SCN10A: variants seen among roughly 807,000 people sequenced by gnomAD.
SCN10A encodes the protein sodium voltage-gated channel alpha subunit 10.
SCN10A carries 162 observed loss-of-function variants against 170.7 expected under a neutral mutation model. The ratio of observed to expected loss-of-function variants is 0.95; its 90% confidence interval spans 0.84 to 1.08. The LOEUF is 1.08. SCN10A is among the 50% of genes least tolerant of loss of function. The pLI, the probability that SCN10A is intolerant of heterozygous loss-of-function variation, is 0.00. For synonymous variants in SCN10A, 985 were observed against 904.6 expected (o/e 1.09, Z -1.59); for missense variants, 2,527 against 2,436.9 (o/e 1.04, Z -0.78).
chr3:38,756,128 C>A (rs888748125), intron 10 of SCN10A, among the ~76,000 whole-genome samples, 170 bp from the exon 11 acceptor site: 1 of 152,174 alleles, frequency 6.6e-6, no homozygotes, highest in Non-Finnish European at 1.5e-5. Context: ...CACCTCGGGT[C>A]ACCCCCACTC....
At chr3:38,709,636 GT>G in intron 24 of SCN10A, 21 bp from the exon 25 acceptor site, 2 of 1,568,288 alleles carry the variant, frequency 1.3e-6, no homozygotes, top group Non-Finnish European at 1.7e-6. Context: ...ACAAGGGAGA[GT>G]GGGAAGGAGG....
chr3:38,809,162 T>A lies in SCN10A; in HGVS notation c.-33+6875A>T, dbSNP rs962528475. ...CCATGCAGACAGGTTGACTTTGCAGTAGCAAACATCAGGACTGGGTTGGAT... is the reference window on the plus strand; with the variant it reads ...CCATGCAGACAGGTTGACTTTGCAGAAGCAAACATCAGGACTGGGTTGGAT... On this transcript the variant is annotated intron_variant, in intron 1 of 27. Coordinates refer to ENST00000449082, the MANE Select transcript of SCN10A (RefSeq NM_006514.4). 2.6e-5 allele frequency among the ~76,000 whole-genome samples: 4 copies of A among 152,322 alleles called. No individual in the cohort carries two copies. In the South Asian group the frequency reaches 6.2e-4, roughly 24 times the overall value.
chr3:38,742,910 G>A (rs1305965352), intron 13 of SCN10A, among the ~76,000 whole-genome samples: 1 of 152,088 alleles, frequency 6.6e-6, no homozygotes, highest in African/African-American at 2.4e-5. Context: ...AACCTGAACT[G>A]TGAATAGACC....
At chr3:38,797,284 C>A (rs1356734308) in intron 1 of SCN10A, among the ~76,000 whole-genome samples, 1 of 152,158 alleles carries the variant, frequency 6.6e-6, no homozygotes, top group Non-Finnish European at 1.5e-5. Context: ...ACCCAATACC[C>A]ATATGTAGGA....
Position 38,788,982 on chromosome 3 carries a change from G to T in SCN10A, c.444C>A (p.Thr148=). 6.2e-7 allele frequency: 1 copy of T among 1,610,344 alleles called. No individual in the cohort carries two copies. The highest frequency in any genetic ancestry group is 8.5e-7 in the Non-Finnish European group (1 of 1,176,826). The part of the protein sequence containing the change: ...VTILVNCVCM[T]RTDLPEKIEY... ...CAATTTTCTCTGGAAGGTCAGTTCGGGTCATGCACACACAATTAACCAAAA... is the reference window on the plus strand; with the variant it reads ...CAATTTTCTCTGGAAGGTCAGTTCGTGTCATGCACACACAATTAACCAAAA... Residue 148 remains threonine (T), a synonymous_variant, in exon 4 of 28, where the codon ACC becomes ACA. Coordinates refer to ENST00000449082, the MANE Select transcript of SCN10A (RefSeq NM_006514.4).
At chr3:38,739,222 T>C (rs893566980) in intron 15 of SCN10A, among the ~76,000 whole-genome samples, 2 of 152,206 alleles carry the variant, frequency 1.3e-5, no homozygotes, top group African/African-American at 4.8e-5. Context: ...TATTAGCTGC[T>C]GTGATTATTG....
At chr3:38,803,522 C>G (rs1301973998) in intron 1 of SCN10A, among the ~76,000 whole-genome samples, 2 of 151,870 alleles carry the variant, frequency 1.3e-5, no homozygotes, top group Non-Finnish European at 2.9e-5. Context: ...AAGCTGGAAA[C>G]CATCATTCTC....
chr3:38,756,592 T>G (rs1350698449), intron 10 of SCN10A, 82 bp downstream of exon 10: 8 of 1,131,070 alleles, frequency 7.1e-6, no homozygotes, highest in Non-Finnish European at 1.1e-5. Context: ...AACGGTGCCC[T>G]AATTGAAGTG....
chr3:38,715,648 C>T (rs1575944264), intron 21 of SCN10A, among the ~76,000 whole-genome samples: 1 of 152,298 alleles, frequency 6.6e-6, no homozygotes, highest in Non-Finnish European at 1.5e-5. Context: ...TTCTATGCCC[C>T]ACATCTAATG....
At chr3:38,703,078 C>T (rs188806060) in intron 26 of SCN10A, among the ~76,000 whole-genome samples, 2 of 152,288 alleles carry the variant, frequency 1.3e-5, no homozygotes, top group Admixed American at 1.3e-4. Context: ...GGGGTTAGGC[C>T]TGGCGTTCTC....
At chr3:38,743,043 T>C (rs1054075196) in intron 13 of SCN10A, among the ~76,000 whole-genome samples, 1 of 152,220 alleles carries the variant, frequency 6.6e-6, no homozygotes, top group Non-Finnish European at 1.5e-5. Context: ...CCCAGAAATC[T>C]GGCTGTGTTT....
At chr3:38,713,219 A>G (rs1400513617) in intron 22 of SCN10A, among the ~76,000 whole-genome samples, 2 of 152,156 alleles carry the variant, frequency 1.3e-5, no homozygotes, top group Admixed American at 1.3e-4. Context: ...GATGGAAGGG[A>G]AAAATTTACA....
intron 5 of SCN10A, among the ~76,000 whole-genome samples, chr3:38,769,203 T>A (rs912910569): frequency 1.1e-4 from 16 of 151,664 alleles, no homozygotes; most frequent in African/African-American, 3.9e-4. Flanking sequence ...TTCTCTGGTG[T>A]CTCCTTGAAT....
intron 1 of SCN10A, among the ~76,000 whole-genome samples, chr3:38,814,388 ATCTTGGGGCTGACAC>A (rs1295030036): frequency 6.6e-6 from 1 of 151,998 alleles, no homozygotes; most frequent in Non-Finnish European, 1.5e-5. Flanking sequence ...GCTAAGGGGA[ATCTTGGGGCTGACAC>A]TCACAAAAAA....
intron 4 of SCN10A, among the ~76,000 whole-genome samples, chr3:38,776,970 A>G (rs1453602861): frequency 6.6e-6 from 1 of 152,102 alleles, no homozygotes; most frequent in African/African-American, 2.4e-5. Flanking sequence ...AAATACTGAT[A>G]GAAGCCAACA....
chr3:38,787,098 C>G (rs1430325963), intron 4 of SCN10A, among the ~76,000 whole-genome samples: 1 of 152,048 alleles, frequency 6.6e-6, no homozygotes, highest in Admixed American at 6.6e-5. Flanking sequence ...ATTTGAGGAT[C>G]ATATTAAATT....
intron 1 of SCN10A, among the ~76,000 whole-genome samples, chr3:38,809,683 A>G (rs1315766608): frequency 6.6e-6 from 1 of 152,110 alleles, no homozygotes; most frequent in African/African-American, 2.4e-5. Flanking sequence ...TAGTTTTCTC[A>G]TTTGTACAAT....
intron 5 of SCN10A, among the ~76,000 whole-genome samples, chr3:38,770,362 T>C (rs550902759): frequency 2.0e-5 from 3 of 152,194 alleles, no homozygotes; most frequent in East Asian, 3.9e-4. Context: ...GGTAGGGAAA[T>C]ACCATCAGGT....
intron 14 of SCN10A, among the ~76,000 whole-genome samples, chr3:38,741,874 G>A (rs60847476): frequency 0.17 from 26,576 of 151,936 alleles, 3,451 homozygotes; most frequent in East Asian, 0.39. Context: ...TGTTAATTGT[G>A]GTCATAAAAG....
Sources: gnomAD v4.1 joint callset for allele counts (sites outside exome capture counted in the v4.1 genomes callset) on GRCh38, gnomAD v4.1.1 for gene constraint, MANE v1.5 for transcripts, NCBI Gene and HGNC (gene_info 2026-07-23, HGNC 2026-07-21) for gene names.